SUGCT: variants seen among roughly 807,000 people sequenced by gnomAD.
SUGCT encodes succinyl-CoA:glutarate CoA-transferase.
A neutral mutation model predicts 55.0 loss-of-function variants in SUGCT; 41 were observed. That is an observed-to-expected ratio of 0.74 (90% CI 0.58 to 0.97). The LOEUF (loss-of-function observed/expected upper bound fraction) is 0.97, where lower values mean the gene tolerates loss of function less well. Among genes scored for constraint, SUGCT ranks in the 50% least tolerant of loss-of-function variants. SUGCT has a pLI of 0.00. For missense variants in SUGCT, 568 were observed against 547.8 expected (o/e 1.04, Z -0.37); for synonymous variants, 187 against 200.4 (o/e 0.93, Z 0.56).
chr7:40,186,032 A>G lies in SUGCT; in HGVS notation c.227-2463A>G, dbSNP rs1468589749. ...CTAGTTTCATTTTATATCCACTTCT[A>G]CAGTTCCTCAATTACATAAAATTTG... On this transcript the variant is annotated intron_variant, in intron 3 of 13. Transcript: ENST00000335693. Among the ~76,000 whole-genome samples, 3 of 151,810 alleles carry G rather than the reference A, an allele frequency of 2.0e-5. 1 individual carries two copies. In the East Asian group the frequency reaches 5.8e-4, roughly 29 times the overall value.
intron 12 of SUGCT, among the ~76,000 whole-genome samples, chr7:40,728,217 A>G (rs1786707822): frequency 6.6e-6 from 1 of 152,154 alleles, no homozygotes; most frequent in Non-Finnish European, 1.5e-5. Flanking sequence ...TTATGTCCTT[A>G]TTAAGGATAT....
chr7:41,021,599 G>A, the SUGCT span, among the ~76,000 whole-genome samples: 2 of 152,064 alleles, frequency 1.3e-5, no homozygotes, highest in African/African-American at 2.4e-5. Flanking sequence ...GAGAGTCAAC[G>A]ATGGGAGTAT....
Position 40,442,611 on chromosome 7 carries a change from G to A in SUGCT, c.817-6676G>A, listed in dbSNP as rs117975523. Among the ~76,000 whole-genome samples, 489 of 151,914 alleles carry A rather than the reference G, an allele frequency of 3.2e-3. 6 individuals are homozygous for A. The East Asian group carries it at 0.067, about 21-fold the overall frequency. On this transcript the variant is annotated intron_variant, in intron 9 of 13. Coordinates refer to ENST00000335693, the MANE Select transcript of SUGCT (RefSeq NM_001193313.2). ...CTTCTTTACTAGAAAAGTTGTTGAT[G>A]GTAATCTAGCTCATATACTTTACCT...
the SUGCT span, among the ~76,000 whole-genome samples, chr7:40,896,106 C>T: frequency 2.6e-4 from 40 of 152,084 alleles, no homozygotes; most frequent in African/African-American, 9.4e-4. Context: ...AAAGATTCCA[C>T]CAAAAAATCT....
At position 40,489,116 on chromosome 7, in the gene SUGCT, A is replaced by C. The variant is rs187375610; in HGVS notation, c.987-7168A>C. On this transcript the variant is annotated intron_variant, in intron 11 of 13. Transcript: ENST00000335693. ...ACAACTGCTCTTTTAATGTGGTCTC[A>C]TACCTCCATTAAGCATTCTTCATTT... 3.6e-4 allele frequency among the ~76,000 whole-genome samples: 55 copies of C among 152,000 alleles called. No individual in the cohort carries two copies. In the East Asian group the frequency reaches 9.5e-3, roughly 26 times the overall value.
the SUGCT span, among the ~76,000 whole-genome samples, chr7:40,995,454 G>C: frequency 7.9e-5 from 12 of 151,234 alleles, no homozygotes; most frequent in South Asian, 2.5e-3. Flanking sequence ...CCATGACATT[G>C]ATTGCTTTGT....
chr7:40,201,288 A>C (rs997282225), intron 6 of SUGCT, among the ~76,000 whole-genome samples: 3 of 152,194 alleles, frequency 2.0e-5, no homozygotes, highest in Non-Finnish European at 1.5e-5. Flanking sequence ...AACAATCAGC[A>C]AGATTTTTTA....
At chr7:40,717,681 A>G (rs997074147) in intron 12 of SUGCT, among the ~76,000 whole-genome samples, 1 of 152,372 alleles carries the variant, frequency 6.6e-6, no homozygotes, top group Admixed American at 6.5e-5. Context: ...GATTAGTTGA[A>G]TAAATTATAG....
intron 10 of SUGCT, among the ~76,000 whole-genome samples, chr7:40,454,965 G>T (rs1455910541): frequency 6.6e-6 from 1 of 152,080 alleles, no homozygotes; most frequent in Non-Finnish European, 1.5e-5. Flanking sequence ...GAATATAATG[G>T]TCTATTCTTT....
At chr7:40,533,211 CTG>C (rs1240892354) in intron 12 of SUGCT, among the ~76,000 whole-genome samples, 1 of 152,256 alleles carries the variant, frequency 6.6e-6, no homozygotes, top group East Asian at 1.9e-4. Flanking sequence ...AAACAAAAAT[CTG>C]TGAGTCACAT....
At chr7:40,324,604 C>T (rs1011976500) in intron 9 of SUGCT, among the ~76,000 whole-genome samples, 8 of 152,062 alleles carry the variant, frequency 5.3e-5, no homozygotes, top group Non-Finnish European at 1.0e-4. Flanking sequence ...CTTTGATTCC[C>T]AAGCAATGTC....
At chr7:40,266,479 G>T (rs1436244960) in intron 7 of SUGCT, among the ~76,000 whole-genome samples, 1 of 151,864 alleles carries the variant, frequency 6.6e-6, no homozygotes, top group Non-Finnish European at 1.5e-5. Flanking sequence ...CAAAAAAGTT[G>T]CACAAGTAGT....
intron 11 of SUGCT, among the ~76,000 whole-genome samples, chr7:40,484,705 C>T (rs1419916426): frequency 1.3e-5 from 2 of 152,132 alleles, no homozygotes; most frequent in African/African-American, 4.8e-5. Flanking sequence ...AATAGTATTT[C>T]TTGTGGTGCC....
At chr7:40,773,526 A>G (rs1789292510) in intron 13 of SUGCT, among the ~76,000 whole-genome samples, 1 of 152,188 alleles carries the variant, frequency 6.6e-6, no homozygotes, top group Non-Finnish European at 1.5e-5. Context: ...AGGCTCAAAA[A>G]CAACATCAGC....
At chr7:41,016,877 A>G in the SUGCT span, among the ~76,000 whole-genome samples, 5 of 152,220 alleles carry the variant, frequency 3.3e-5, no homozygotes, top group East Asian at 1.9e-4. Flanking sequence ...TGCTTTGGCC[A>G]TAGACCCAAA....
chr7:40,185,529 T>G (rs562765070), intron 3 of SUGCT, among the ~76,000 whole-genome samples: 40 of 151,650 alleles, frequency 2.6e-4, no homozygotes, highest in African/African-American at 9.4e-4. Context: ...TTTATTGTCT[T>G]CTTTTTTTTG....
At chr7:40,858,161 T>C (rs1211510593) in intron 13 of SUGCT, among the ~76,000 whole-genome samples, 1 of 151,980 alleles carries the variant, frequency 6.6e-6, no homozygotes, top group Non-Finnish European at 1.5e-5. Context: ...AAGCCTTTGG[T>C]GCAGTGGTTG....
At chr7:41,031,501 G>T in the SUGCT span, among the ~76,000 whole-genome samples, 4 of 152,178 alleles carry the variant, frequency 2.6e-5, no homozygotes, top group South Asian at 2.1e-4. Context: ...ACAGGTCAAG[G>T]TTACAGCATG....
intron 9 of SUGCT, among the ~76,000 whole-genome samples, chr7:40,400,184 C>G (rs764480349): frequency 2.0e-5 from 3 of 151,590 alleles, no homozygotes; most frequent in Non-Finnish European, 4.4e-5. Flanking sequence ...TTTTTCTTAT[C>G]AATTGAGATG....
Sources: gnomAD v4.1 joint callset for allele counts (sites outside exome capture counted in the v4.1 genomes callset) on GRCh38, gnomAD v4.1.1 for gene constraint, MANE v1.5 for transcripts, NCBI Gene and HGNC (gene_info 2026-07-23, HGNC 2026-07-21) for gene names.